Variants in RGS7BP observed in about 807,000 individuals in gnomAD.
The protein encoded by RGS7BP is regulator of G protein signaling 7-binding protein.
In RGS7BP, 9 loss-of-function variants were observed where a neutral mutation model predicts 31.3. The ratio of observed to expected loss-of-function variants is 0.29; its 90% CI spans 0.17 to 0.50. The LOEUF (loss-of-function observed/expected upper bound fraction) is 0.50, where lower values mean the gene tolerates loss of function less well. Ranked by LOEUF, RGS7BP falls within the 20% of genes least tolerant of loss-of-function variation. RGS7BP has a pLI of 0.98. For synonymous variants in RGS7BP, 115 were observed against 120.1 expected (o/e 0.96, Z 0.28); for missense variants, 274 against 322.0 (o/e 0.85, Z 1.14).
At chr5:64,564,779 C>T (rs1323158608) in intron 2 of RGS7BP, among the ~76,000 whole-genome samples, 1 of 152,114 alleles carries the variant, frequency 6.6e-6, no homozygotes, top group Admixed American at 6.6e-5. Flanking sequence ...GCAGAAGCCA[C>T]GCTGATACAG....
chr5:64,602,720 A>G (rs1045159239), intron 5 of RGS7BP, among the ~76,000 whole-genome samples: 4 of 152,200 alleles, frequency 2.6e-5, no homozygotes, highest in Non-Finnish European at 1.5e-5. Flanking sequence ...ATGCAGACAC[A>G]CACACACACA....
Position 64,545,032 on chromosome 5 carries a change from C to T in RGS7BP, c.333-30742C>T, listed in dbSNP as rs1300553220. ...CTCTACTAAAAATACAAAAGTTAGC[C>T]GGGTGTGGTGGTGGGCACCTGTAGT... On this transcript the variant is annotated intron_variant, in intron 2 of 5. Coordinates refer to ENST00000334025, the MANE Select transcript of RGS7BP (RefSeq NM_001029875.3). Among the ~76,000 whole-genome samples the T allele has an allele frequency of 3.9e-5, 6 of 152,092 alleles. No homozygotes were observed. The East Asian group carries it at 1.2e-3, about 29-fold the overall frequency.
At chr5:64,536,502 C>A (rs988561212) in intron 2 of RGS7BP, among the ~76,000 whole-genome samples, 1 of 152,192 alleles carries the variant, frequency 6.6e-6, no homozygotes, top group Admixed American at 6.5e-5. Flanking sequence ...GGATGAAAAT[C>A]TTCATCCTAT....
intron 2 of RGS7BP, among the ~76,000 whole-genome samples, chr5:64,533,257 T>G (rs764098257): frequency 6.6e-6 from 1 of 152,138 alleles, no homozygotes; most frequent in African/African-American, 2.4e-5. Context: ...ACTGATGTGG[T>G]TGGTGATACT....
rs145297206 is a variant in RGS7BP, at chr5:64,533,993, G to C, written c.332+26116G>C. ...ATAAATAAACAAGATTATTACAAAA[G>C]TGGGATGTGTATAAGGACAGTAATA... On this transcript the variant is annotated intron_variant, in intron 2 of 5. Transcript: ENST00000334025. 4.6e-3 allele frequency among the ~76,000 whole-genome samples: 697 copies of C among 152,328 alleles called. 7 individuals are homozygous for C. Among genetic ancestry groups the C allele is most frequent in the African/African-American group, 0.016 (674 of 41,566 alleles).
At chr5:64,562,709 A>AC (rs1199824026) in intron 2 of RGS7BP, among the ~76,000 whole-genome samples, 6 of 152,158 alleles carry the variant, frequency 3.9e-5, no homozygotes, top group Non-Finnish European at 1.5e-5. Flanking sequence ...CAGTACCTGT[A>AC]CCACAGGGAC....
chr5:64,594,347 CA>C (rs1743004097), intron 3 of RGS7BP, among the ~76,000 whole-genome samples: 1 of 152,072 alleles, frequency 6.6e-6, no homozygotes, highest in African/African-American at 2.4e-5. Flanking sequence ...ATCTAAGCAC[CA>C]AAAGCCAGTA....
At chr5:64,608,604 C>T (rs1743424664) in intron 5 of RGS7BP, among the ~76,000 whole-genome samples, 1 of 152,082 alleles carries the variant, frequency 6.6e-6, no homozygotes, top group Admixed American at 6.6e-5. Context: ...GTAAGCTACT[C>T]ACCATAGCTA....
chr5:64,586,104 A>G (rs995651991), intron 3 of RGS7BP, among the ~76,000 whole-genome samples: 1 of 152,206 alleles, frequency 6.6e-6, no homozygotes, highest in African/African-American at 2.4e-5. Context: ...TTTTCCAAGA[A>G]GAAGGCAAGG....
At chr5:64,555,540 T>C (rs374258994) in intron 2 of RGS7BP, among the ~76,000 whole-genome samples, 1 of 152,256 alleles carries the variant, frequency 6.6e-6, no homozygotes, top group East Asian at 1.9e-4. Flanking sequence ...TTCTAGGGGA[T>C]ATAAATTAGA....
intron 2 of RGS7BP, among the ~76,000 whole-genome samples, chr5:64,548,492 A>C (rs1741712924): frequency 6.6e-6 from 1 of 152,106 alleles, no homozygotes; most frequent in African/African-American, 2.4e-5. Flanking sequence ...TTTACTGGAC[A>C]ACCAACCTGT....
chr5:64,563,395 T>C (rs998045286), intron 2 of RGS7BP, among the ~76,000 whole-genome samples: 11 of 152,136 alleles, frequency 7.2e-5, no homozygotes, highest in African/African-American at 2.7e-4. Flanking sequence ...AGGTCATTGC[T>C]GATATAATTT....
intron 2 of RGS7BP, among the ~76,000 whole-genome samples, chr5:64,551,142 G>A (rs570624928): frequency 6.6e-6 from 1 of 151,668 alleles, no homozygotes; most frequent in African/African-American, 2.4e-5. Flanking sequence ...CTGCTTATTT[G>A]TCACCCATAT....
chr5:64,528,401 T>C (rs1378398217), intron 2 of RGS7BP, among the ~76,000 whole-genome samples: 3 of 152,154 alleles, frequency 2.0e-5, no homozygotes, highest in African/African-American at 7.2e-5. Flanking sequence ...TTAGGTCACA[T>C]TTAAGCACAC....
chr5:64,539,603 T>G (rs1741473225), intron 2 of RGS7BP: 2 of 152,172 alleles, frequency 1.3e-5, no homozygotes, highest in Admixed American at 1.3e-4. Flanking sequence ...ACTATGCCTA[T>G]CAGGTGTCTG....
rs1743020090 is a variant in RGS7BP, at chr5:64,594,811, C to T, written c.565C>T (p.Gln189Ter). The T allele has an allele frequency of 6.2e-7, 1 of 1,613,644 alleles. No individual in the cohort carries two copies. Among genetic ancestry groups the T allele is most frequent in the African/African-American group, 1.3e-5 (1 of 74,876 alleles). Residue 189 changes from glutamine to a stop codon, truncating the protein, a stop_gained, in exon 4 of 6, where the codon CAG becomes TAG. Transcript: ENST00000334025. LOFTEE classifies it high-confidence loss of function. ...CTCCTCATCATCCCCCGTAGATAGT[C>T]AGCAACATTCCTGGCAGGTTTCCAC... ...EDSSSSPVDSQQHSWQVSTDI... is the reference protein window; with the variant it reads ...EDSSSSPVDS
chr5:64,521,470 T>A (rs1329668572), intron 2 of RGS7BP, among the ~76,000 whole-genome samples: 1 of 152,176 alleles, frequency 6.6e-6, no homozygotes, highest in Non-Finnish European at 1.5e-5. Flanking sequence ...TTGGCCAGGC[T>A]GGTCTCAAAC....
At position 64,508,484 on chromosome 5, in the gene RGS7BP, A is replaced by G. The variant is rs946184879; in HGVS notation, c.332+607A>G. On this transcript the variant is annotated intron_variant, in intron 2 of 5. Transcript: ENST00000334025. ...ACATGATTTTGTCCCCCAAATTTTT[A>G]TTTATTTTCATCAGATTTATCGTTT... Among the ~76,000 whole-genome samples, 7 of 152,262 alleles carry G rather than the reference A, an allele frequency of 4.6e-5. No homozygotes were observed. In the East Asian group the frequency reaches 1.2e-3, roughly 25 times the overall value.
At chr5:64,568,798 A>G (rs1394928152) in intron 2 of RGS7BP, among the ~76,000 whole-genome samples, 12 of 134,202 alleles carry the variant, frequency 8.9e-5, no homozygotes, top group Non-Finnish European at 1.8e-4. Flanking sequence ...TTTTTTTTTT[A>G]GTGTTTAAAT....
Sources: gnomAD v4.1 joint callset for allele counts (sites outside exome capture counted in the v4.1 genomes callset) on GRCh38, gnomAD v4.1.1 for gene constraint, MANE v1.5 for transcripts, NCBI Gene and HGNC (gene_info 2026-07-23, HGNC 2026-07-21) for gene names.